AGO3: variants seen among roughly 807,000 people sequenced by gnomAD.
AGO3 encodes protein argonaute-3.
Under a neutral mutation model 105.5 loss-of-function variants are expected in AGO3, and 16 were observed. That is an observed-to-expected ratio of 0.15 (90% confidence interval 0.10 to 0.23). The LOEUF is 0.23. Ranked by LOEUF, AGO3 falls within the 10% of genes least tolerant of loss-of-function variation. AGO3 has a pLI of 1.00. For missense variants in AGO3, 534 were observed against 1,088.0 expected, an observed-to-expected ratio of 0.49 and a Z score of 7.16; for synonymous variants, 340 against 367.3, an observed-to-expected ratio of 0.93 and a Z score of 0.85.
Position 36,013,633 on chromosome 1 carries a change from A to G in AGO3, c.1153A>G (p.Arg385Gly). Residue 385 changes from arginine to glycine, a missense_variant, in exon 10 of 19, where the codon AGA becomes GGA. Around this residue, in one of 2 missense-constraint regions of AGO3, gnomAD observed 373 missense variants for 854.0 expected, o/e 0.44. Transcript: ENST00000373191. ...TACAAACTTTTTCTATTTTTAGGTA[A>G]GAAGTGCAAATTATGAAACAGATCC... ...DRQEEISRLV[R>G]SANYETDPFV... The G allele has an allele frequency of 5.0e-6, 8 of 1,613,360 alleles. No homozygotes were observed. Among genetic ancestry groups the G allele is most frequent in the Non-Finnish European group, 6.8e-6 (8 of 1,179,524 alleles).
rs989003372 is a variant in AGO3 at position 36,050,078 on chromosome 1, T to C, written c.2275-4868T>C. ...TTAGACCAAATGGACCTAACAAATA[T>C]ATACAAAGCATTTCATCCAGCAGCT... On this transcript the variant is annotated intron_variant, in intron 17 of 18. Coordinates refer to ENST00000373191, the MANE Select transcript of AGO3 (RefSeq NM_024852.4). Among the ~76,000 whole-genome samples, 21 of 152,206 alleles carry C rather than the reference T, an allele frequency of 1.4e-4. 1 individual carries two copies. Among genetic ancestry groups the C allele is most frequent in the Non-Finnish European group, 2.9e-5 (2 of 68,040 alleles).
Position 36,008,959 on chromosome 1 carries a change from A to T in AGO3, c.944A>T (p.Glu315Val). ...VERTVAQYFREKYTLQLKYPH... is the reference protein window; with the variant it reads ...VERTVAQYFRVKYTLQLKYPH... The stretch of plus-strand genomic sequence containing the variant: ...AGAACAGTAGCGCAGTATTTCAGAG[A>T]AAAGTATACTCTTCAGCTGAAGTAC... Residue 315 changes from glutamate to valine, a missense_variant, in exon 8 of 19, where the codon GAA becomes GTA. Coordinates refer to ENST00000373191, the MANE Select transcript of AGO3 (RefSeq NM_024852.4). The surrounding 1 kb of genome is among the most constrained non-coding windows in gnomAD (Gnocchi z 5.1). 6.2e-7 allele frequency: 1 copy of T among 1,613,766 alleles called. No homozygotes were observed. The highest frequency in any genetic ancestry group is 1.1e-5 in the South Asian group (1 of 91,034).
intron 9 of AGO3, among the ~76,000 whole-genome samples, chr1:36,012,675 G>A (rs572589836): frequency 6.6e-6 from 1 of 152,200 alleles, no homozygotes; most frequent in African/African-American, 2.4e-5. Context: ...TTAATAGAAT[G>A]TATCCAGATC....
At position 36,057,174 on chromosome 1, in the gene AGO3, T is replaced by C. The variant is rs1174638800; in HGVS notation, c.*1429T>C. ...TCTATGGGTTATACATGGAAATTCT[T>C]TAAAGGTTTTATAAAGGGTAAATAT... On this transcript the variant is annotated 3_prime_UTR_variant, in exon 19 of 19. Transcript: ENST00000373191. 2 of 152,224 alleles carry C rather than the reference T, an allele frequency of 1.3e-5. No individual in the cohort carries two copies. The highest frequency in any genetic ancestry group is 2.9e-5 in the Non-Finnish European group (2 of 68,048). The allele number at this position is 152,224 out of a possible 1,614,324, so 9.4% of individuals were successfully genotyped here.
intron 5 of AGO3, among the ~76,000 whole-genome samples, chr1:35,993,605 A>G (rs529293246): frequency 2.0e-5 from 3 of 152,264 alleles, no homozygotes; most frequent in African/African-American, 7.2e-5. Flanking sequence ...TGAATTCACA[A>G]TTCCTCCTCA....
chr1:35,954,942 T>C (rs1646537148), intron 2 of AGO3, among the ~76,000 whole-genome samples: 1 of 152,250 alleles, frequency 6.6e-6, no homozygotes, highest in African/African-American at 2.4e-5. Context: ...TGTGCTGATA[T>C]ATGCTACAAC....
intron 2 of AGO3, among the ~76,000 whole-genome samples, chr1:35,964,897 A>G (rs911575174): frequency 1.3e-5 from 2 of 151,492 alleles, no homozygotes; most frequent in African/African-American, 4.9e-5. Context: ...GCATTTTTTC[A>G]TATGCTTGTT....
rs1330630237 is a variant in AGO3 at position 36,070,360 on chromosome 1, AT to A, written c.*14617del. ...AAAGTTTCTGCTTCATGTGAATTCA[AT>A]TCTGAGCACCTGCAGGTCATATCAG... On this transcript the variant is annotated 3_prime_UTR_variant, in exon 19 of 19. Coordinates refer to ENST00000373191, the MANE Select transcript of AGO3 (RefSeq NM_024852.4). 2.6e-5 allele frequency: 4 copies of A among 152,202 alleles called. No homozygotes were observed. The highest frequency in any genetic ancestry group is 9.6e-5 in the African/African-American group (4 of 41,458). The allele number at this position is 152,202 out of a possible 1,614,324, so 9.4% of individuals were successfully genotyped here.
At chr1:36,022,768 C>T (rs1157256064) in intron 11 of AGO3, among the ~76,000 whole-genome samples, 4 of 151,944 alleles carry the variant, frequency 2.6e-5, no homozygotes, top group Non-Finnish European at 4.4e-5. Context: ...CCCATCTCTA[C>T]TAAAAATACA....
chr1:36,010,186 G>A (rs985628081), intron 9 of AGO3, among the ~76,000 whole-genome samples: 6 of 151,944 alleles, frequency 3.9e-5, no homozygotes, highest in South Asian at 2.1e-4. Flanking sequence ...TGATCCGCCC[G>A]CCTCGGCCTC....
chr1:35,937,664 T>G (rs1479152702), intron 1 of AGO3, among the ~76,000 whole-genome samples: 1 of 152,184 alleles, frequency 6.6e-6, no homozygotes, highest in Non-Finnish European at 1.5e-5. Context: ...CCCTCCAGCC[T>G]GGACCACAGT....
rs1036240234 is a variant in AGO3 at position 35,938,207 on chromosome 1, G to C, written c.19+6762G>C. Among the ~76,000 whole-genome samples the C allele has an allele frequency of 1.1e-4, 16 of 152,072 alleles. 1 individual carries two copies. The South Asian group carries it at 2.9e-3, about 28-fold the overall frequency. The stretch of plus-strand genomic sequence containing the variant: ...TGTTAGTCAGGCTGGTCTTGAACCA[G>C]ACCTGACCTCAGGTGATCCACCCTT... On this transcript the variant is annotated intron_variant, in intron 1 of 18. Coordinates refer to ENST00000373191, the MANE Select transcript of AGO3 (RefSeq NM_024852.4).
chr1:35,950,226 A>T (rs1646446028), intron 2 of AGO3, among the ~76,000 whole-genome samples: 1 of 152,180 alleles, frequency 6.6e-6, no homozygotes. Context: ...TCTCAAAAAA[A>T]AAAAAAAATT....
intron 9 of AGO3, among the ~76,000 whole-genome samples, chr1:36,010,683 G>A (rs527461144): frequency 1.1e-4 from 17 of 151,658 alleles, no homozygotes; most frequent in Non-Finnish European, 1.6e-4. Flanking sequence ...CGAGGGGGGC[G>A]GATCACCTGA....
intron 17 of AGO3, among the ~76,000 whole-genome samples, chr1:36,050,660 CG>C (rs1239464487): frequency 6.6e-6 from 1 of 151,420 alleles, no homozygotes; most frequent in East Asian, 1.9e-4. Context: ...GGTGTGGTGG[CG>C]GGCGCCTATA....
intron 5 of AGO3, among the ~76,000 whole-genome samples, chr1:35,991,353 T>C (rs1647631593): frequency 6.6e-6 from 1 of 152,042 alleles, no homozygotes; most frequent in African/African-American, 2.4e-5. Flanking sequence ...GAGATCTGTC[T>C]CTTGATTCTC....
At chr1:35,949,238 C>T (rs544859865) in intron 2 of AGO3, among the ~76,000 whole-genome samples, 2 of 152,182 alleles carry the variant, frequency 1.3e-5, no homozygotes, top group African/African-American at 2.4e-5. Flanking sequence ...CTACCGCACC[C>T]GGCCCAAGTT....
At chr1:35,937,710 C>T (rs1212808023) in intron 1 of AGO3, among the ~76,000 whole-genome samples, 4 of 152,016 alleles carry the variant, frequency 2.6e-5, no homozygotes, top group Non-Finnish European at 5.9e-5. Context: ...TAAATTGTTT[C>T]CCATACTGCC....
At chr1:36,042,812 A>G (rs530529023) in intron 16 of AGO3, among the ~76,000 whole-genome samples, 10 of 152,346 alleles carry the variant, frequency 6.6e-5, no homozygotes, top group African/African-American at 2.2e-4. Context: ...ATAGTATGAA[A>G]TAAAAGGAAT....
Sources: allele counts gnomAD v4.1 joint callset (sites outside exome capture counted in the v4.1 genomes callset), GRCh38; gene constraint gnomAD v4.1.1; regional missense constraint gnomAD v4.1.1; non-coding constraint Gnocchi (gnomAD v3.1); transcripts MANE v1.5; gene names NCBI Gene and HGNC (gene_info 2026-07-23, HGNC 2026-07-21).